Variants in CTNNA2 observed in about 807,000 individuals in gnomAD.
CTNNA2 encodes the protein catenin alpha 2.
In CTNNA2, 42 loss-of-function variants were observed where a neutral mutation model predicts 101.0. The observed-to-expected ratio is 0.42, with a 90% confidence interval of 0.32 to 0.54. The LOEUF is 0.54. CTNNA2 is among the 20% of genes least tolerant of loss of function. The probability of loss-of-function intolerance (pLI) is 0.14; values close to 1 mark genes in which losing one functional copy is unlikely to be tolerated. For missense variants in CTNNA2, 871 were observed against 1,223.1 expected, an observed-to-expected ratio of 0.71 and a Z score of 4.29; for synonymous variants, 450 against 456.4, an observed-to-expected ratio of 0.99 and a Z score of 0.18.
intron 2 of CTNNA2, among the ~76,000 whole-genome samples, chr2:79,233,040 A>T (rs901725859): frequency 4.6e-5 from 7 of 151,874 alleles, no homozygotes; most frequent in African/African-American, 1.5e-4. Flanking sequence ...TGGACTTTTG[A>T]GTCTCAGTTT....
At chr2:79,962,335 C>T (rs1026855378) in intron 7 of CTNNA2, among the ~76,000 whole-genome samples, 2 of 152,230 alleles carry the variant, frequency 1.3e-5, no homozygotes, top group East Asian at 3.9e-4. Flanking sequence ...TCTGCAGCCT[C>T]TTTTAGGAGG....
In CTNNA2 at chr2:80,608,299, G is replaced by A; in HGVS notation, c.2411G>A (p.Gly804Glu). 6.2e-7 allele frequency: 1 copy of A among 1,609,856 alleles called. No individual in the cohort carries two copies. Among genetic ancestry groups the A allele is most frequent in the Non-Finnish European group, 8.5e-7 (1 of 1,177,138 alleles). ...AAGGCAGAAGTGCAGAATCTGGGAG[G>A]AGAGCTCATTGTGTCAGGGGTAAGC... ...KVKAEVQNLG[G>E]ELIVSGTGVQ... The change falls in exon 17 of 19, where the codon GGA becomes GAA. Residue 804 changes from glycine (G) to glutamate (E), a missense_variant. Physicochemically the swap from Gly to Glu is moderately conservative, Grantham distance 98. Coordinates refer to ENST00000402739, the MANE Select transcript of CTNNA2 (RefSeq NM_001282597.3).
chr2:80,027,134 C>T (rs1426438245), intron 7 of CTNNA2, among the ~76,000 whole-genome samples: 1 of 152,126 alleles, frequency 6.6e-6, no homozygotes, highest in Non-Finnish European at 1.5e-5. Flanking sequence ...TTAGAAAGTA[C>T]CAGAGCTGTG....
intron 9 of CTNNA2, among the ~76,000 whole-genome samples, chr2:80,420,565 C>CT (rs374359993): frequency 0.013 from 1,934 of 149,546 alleles, 10 homozygotes; most frequent in Middle Eastern, 0.024. Context: ...AAAATAAGTT[C>CT]TTTTTTTTTT....
intron 7 of CTNNA2, among the ~76,000 whole-genome samples, chr2:79,973,382 C>T (rs1477345601): frequency 6.6e-6 from 1 of 151,968 alleles, no homozygotes; most frequent in Non-Finnish European, 1.5e-5. Context: ...GCAGAGAGGC[C>T]GGTACTATCT....
chr2:80,613,694 C>A (rs189703631), intron 17 of CTNNA2, among the ~76,000 whole-genome samples: 1 of 151,408 alleles, frequency 6.6e-6, no homozygotes, highest in East Asian at 1.9e-4. Context: ...TTGTTTAATG[C>A]ATAGGGAAAT....
At chr2:80,149,032 T>A (rs1048685220) in intron 7 of CTNNA2, among the ~76,000 whole-genome samples, 144 of 151,292 alleles carry the variant, frequency 9.5e-4, no homozygotes, top group Middle Eastern at 6.9e-3. Flanking sequence ...TATTTTTTTT[T>A]TTTTTTTTTT....
chr2:80,574,058 C>T, intron 12 of CTNNA2, 105 bp from the exon 13 acceptor site: 1 of 1,186,148 alleles, frequency 8.4e-7, no homozygotes, highest in Non-Finnish European at 1.2e-6. Flanking sequence ...TCTTGCTCCA[C>T]TTAACTTTTA....
chr2:79,879,717 G>A (rs1404791884), intron 6 of CTNNA2, among the ~76,000 whole-genome samples: 1 of 151,976 alleles, frequency 6.6e-6, no homozygotes, highest in Non-Finnish European at 1.5e-5. Flanking sequence ...GGAGTTTCTG[G>A]GCTGACATGA....
intron 2 of CTNNA2, chr2:79,687,722 G>A (rs993377656): frequency 4.3e-6 from 2 of 468,412 alleles, no homozygotes; most frequent in Non-Finnish European, 3.8e-6. Context: ...TGAATGTATT[G>A]TGACTTTTGG....
chr2:79,654,676 G>A (rs1417920946), intron 2 of CTNNA2, among the ~76,000 whole-genome samples: 3 of 152,126 alleles, frequency 2.0e-5, no homozygotes, highest in African/African-American at 4.8e-5. Context: ...TAGCACATTC[G>A]CAAATTCCAG....
At chr2:80,401,834 A>C (rs141444711) in intron 8 of CTNNA2, among the ~76,000 whole-genome samples, 42 of 151,916 alleles carry the variant, frequency 2.8e-4, no homozygotes, top group African/African-American at 1.0e-3. Context: ...CACTCTCCAT[A>C]GCACACATTA....
chr2:79,264,572 C>G (rs1558591475), intron 2 of CTNNA2, among the ~76,000 whole-genome samples: 1 of 152,038 alleles, frequency 6.6e-6, no homozygotes, highest in Non-Finnish European at 1.5e-5. Flanking sequence ...GTTGAAATGA[C>G]CAGACTGAGT....
At chr2:80,217,458 G>T (rs990933569) in intron 7 of CTNNA2, among the ~76,000 whole-genome samples, 2 of 151,810 alleles carry the variant, frequency 1.3e-5, no homozygotes, top group African/African-American at 4.8e-5. Context: ...TTTAAAATGG[G>T]CCTAATGCCT....
intron 7 of CTNNA2, among the ~76,000 whole-genome samples, chr2:80,108,784 C>G (rs1204359572): frequency 6.6e-6 from 1 of 152,210 alleles, no homozygotes; most frequent in Non-Finnish European, 1.5e-5. Flanking sequence ...TCTTCAAACC[C>G]TACACTTGTC....
chr2:80,589,829 T>A (rs190297993), intron 15 of CTNNA2, among the ~76,000 whole-genome samples: 2 of 152,084 alleles, frequency 1.3e-5, no homozygotes, highest in African/African-American at 4.8e-5. Flanking sequence ...GTGAATGATT[T>A]GTTAATATAC....
At chr2:79,579,896 G>A (rs142696560) in intron 1 of CTNNA2, among the ~76,000 whole-genome samples, 5,037 of 152,232 alleles carry the variant, frequency 0.033, 277 homozygotes, top group African/African-American at 0.11. Context: ...TTACAGGTGT[G>A]AGCCACCGCA....
chr2:80,284,671 G>C (rs1169902917), intron 7 of CTNNA2, among the ~76,000 whole-genome samples: 1 of 151,772 alleles, frequency 6.6e-6, no homozygotes, highest in African/African-American at 2.4e-5. Flanking sequence ...TCCTAATAGA[G>C]GCAGGGCAGG....
At chr2:79,223,823 A>G (rs1674375945) in intron 2 of CTNNA2, among the ~76,000 whole-genome samples, 1 of 152,210 alleles carries the variant, frequency 6.6e-6, no homozygotes, top group East Asian at 1.9e-4. Context: ...TAAATGGTCT[A>G]AGCTCCAAGA....
Sources: gnomAD v4.1 joint callset for allele counts (sites outside exome capture counted in the v4.1 genomes callset) on GRCh38, gnomAD v4.1.1 for gene constraint, MANE v1.5 for transcripts, NCBI Gene and HGNC (gene_info 2026-07-23, HGNC 2026-07-21) for gene names.